The following CACNB2 variants were observed in gnomAD, a reference collection of about 807,000 sequenced individuals.
CACNB2 encodes voltage-dependent L-type calcium channel subunit beta-2.
In CACNB2, 42 loss-of-function variants were observed where a neutral mutation model predicts 73.3. The ratio of observed to expected loss-of-function variants is 0.57; its 90% CI spans 0.45 to 0.74. The LOEUF (loss-of-function observed/expected upper bound fraction) is 0.74. Among genes scored for constraint, CACNB2 ranks in the 30% least tolerant of loss-of-function variants. The pLI, the probability that CACNB2 is intolerant of heterozygous loss-of-function variation, is 0.00. For missense variants in CACNB2, 940 were observed against 853.0 expected (o/e 1.10, Z -1.27); for synonymous variants, 348 against 310.3 (o/e 1.12, Z -1.28).
intron 2 of CACNB2, among the ~76,000 whole-genome samples, chr10:18,283,857 G>A (rs2038670773): frequency 6.6e-6 from 1 of 152,078 alleles, no homozygotes; most frequent in African/African-American, 2.4e-5. Flanking sequence ...ACAACTGTGA[G>A]CAAAGATGGA....
At position 18,272,206 on chromosome 10, in the gene CACNB2, C is replaced by CT. The variant is rs577134899; in HGVS notation, c.213+121237dup. On this transcript the variant is annotated intron_variant, in intron 2 of 13. Coordinates refer to ENST00000324631, the MANE Select transcript of CACNB2 (RefSeq NM_201596.3). ...GCTATTCGAAAGAGTGGATCACAATCTTTTTTCTACAGAGAGGAGTGGGAC... is the reference window on the plus strand; with the variant it reads ...GCTATTCGAAAGAGTGGATCACAATCTTTTTTTCTACAGAGAGGAGTGGGAC... 2.6e-3 allele frequency among the ~76,000 whole-genome samples: 399 copies of CT among 152,094 alleles called. 2 individuals carry two copies. The highest frequency in any genetic ancestry group is 9.2e-3 in the African/African-American group (381 of 41,478).
At chr10:18,464,552 A>T (rs2047771866) in intron 3 of CACNB2, among the ~76,000 whole-genome samples, 1 of 151,680 alleles carries the variant, frequency 6.6e-6, no homozygotes, top group South Asian at 2.1e-4. Context: ...GGAGCACCTG[A>T]TTGCCCACCT....
At chr10:18,384,998 G>A (rs565117931) in intron 2 of CACNB2, among the ~76,000 whole-genome samples, 11 of 152,032 alleles carry the variant, frequency 7.2e-5, no homozygotes, top group South Asian at 2.1e-4. Flanking sequence ...AACAGTTGCC[G>A]GCTGGGTGCG....
intron 2 of CACNB2, among the ~76,000 whole-genome samples, chr10:18,313,659 TA>T (rs1271907653): frequency 6.6e-6 from 1 of 152,168 alleles, no homozygotes; most frequent in East Asian, 1.9e-4. Context: ...AAGCTTTATT[TA>T]AATAAATAAT....
chr10:18,447,274 A>G (rs1024978889), intron 3 of CACNB2, among the ~76,000 whole-genome samples: 1 of 152,216 alleles, frequency 6.6e-6, no homozygotes, highest in Non-Finnish European at 1.5e-5. Flanking sequence ...TTGAGGCACC[A>G]TAGACCGTGT....
intron 2 of CACNB2, among the ~76,000 whole-genome samples, chr10:18,178,473 A>G (rs1020525050): frequency 6.6e-6 from 1 of 152,216 alleles, no homozygotes; most frequent in Non-Finnish European, 1.5e-5. Flanking sequence ...GATTAATCAG[A>G]TAGAGGTCCT....
At chr10:18,498,296 A>G in intron 3 of CACNB2, 59 bp from the exon 4 acceptor site, 1 of 1,604,330 alleles carries the variant, frequency 6.2e-7, no homozygotes. Flanking sequence ...TTTGAGGGAA[A>G]AAGGAGGGAC....
chr10:18,455,037 C>G (rs1193307444), intron 3 of CACNB2, among the ~76,000 whole-genome samples: 1 of 78,956 alleles, frequency 1.3e-5, no homozygotes, highest in Non-Finnish European at 3.2e-5. Flanking sequence ...GACCCAATCT[C>G]TTAAAAAAAA....
intron 6 of CACNB2, among the ~76,000 whole-genome samples, chr10:18,508,579 C>T (rs900768985): frequency 6.6e-6 from 1 of 152,180 alleles, no homozygotes; most frequent in Non-Finnish European, 1.5e-5. Context: ...TCACTTCTTT[C>T]TATATACCAG....
rs568509849 is a variant in CACNB2, at chr10:18,346,636, G to A, written c.214-55288G>A. On this transcript the variant is annotated intron_variant, in intron 2 of 13. Transcript: ENST00000324631. ...GGGGGGCACAGGGTCTCACTCTGTC[G>A]CCCAGGCTGGAGTGCAGCGATATGA... 4.7e-5 allele frequency among the ~76,000 whole-genome samples: 7 copies of A among 150,510 alleles called. No individual in the cohort carries two copies. In the South Asian group the frequency reaches 6.4e-4, roughly 14 times the overall value.
intron 2 of CACNB2, among the ~76,000 whole-genome samples, chr10:18,306,582 G>C (rs1046672110): frequency 6.6e-6 from 1 of 152,168 alleles, no homozygotes; most frequent in East Asian, 1.9e-4. Flanking sequence ...TAAGCATTAC[G>C]GTGGGGTCAG....
chr10:18,521,433 G>T (rs988741079), intron 9 of CACNB2, among the ~76,000 whole-genome samples: 2 of 152,140 alleles, frequency 1.3e-5, no homozygotes, highest in South Asian at 4.1e-4. Context: ...TAAAGGACAT[G>T]GGCAAGGAGT....
intron 3 of CACNB2, among the ~76,000 whole-genome samples, chr10:18,494,281 T>A (rs747073243): frequency 4.6e-5 from 7 of 152,144 alleles, no homozygotes; most frequent in Non-Finnish European, 1.0e-4. Flanking sequence ...AAATGTGTCT[T>A]ACATTGATGA....
intron 2 of CACNB2, among the ~76,000 whole-genome samples, chr10:18,200,258 T>C (rs1033813295): frequency 3.3e-5 from 5 of 150,438 alleles, no homozygotes; most frequent in African/African-American, 1.3e-4. Flanking sequence ...ACATTAATTA[T>C]ACTCAAAAAA....
In CACNB2 at chr10:18,482,062, G is replaced by T. The variant is rs116878285; in HGVS notation, c.334-16293G>T. On this transcript the variant is annotated intron_variant, in intron 3 of 13. Coordinates refer to ENST00000324631, the MANE Select transcript of CACNB2 (RefSeq NM_201596.3). ...CTGCCACCATGCCCTACTAATTTTT[G>T]TGGGTTTTTTTAGTAGAGATGGGGT... Among the ~76,000 whole-genome samples the T allele has an allele frequency of 0.013, 1,954 of 151,824 alleles. 84 individuals are homozygous for T. The South Asian group carries it at 0.13, about 10-fold the overall frequency.
At chr10:18,250,202 C>T (rs1344898896) in intron 2 of CACNB2, among the ~76,000 whole-genome samples, 1 of 152,216 alleles carries the variant, frequency 6.6e-6, no homozygotes, top group Non-Finnish European at 1.5e-5. Context: ...TGGCAGTCTC[C>T]ACACAGCAGG....
At chr10:18,214,768 G>C (rs549375167) in intron 2 of CACNB2, among the ~76,000 whole-genome samples, 4 of 152,118 alleles carry the variant, frequency 2.6e-5, no homozygotes, top group Non-Finnish European at 5.9e-5. Flanking sequence ...GTTTGGGGCC[G>C]TTGATGTAAT....
chr10:18,519,614 T>G, intron 9 of CACNB2: 1 of 432,556 alleles, frequency 2.3e-6, no homozygotes, highest in South Asian at 1.7e-5. Context: ...CATGAGTATT[T>G]CCTGTTCTAA....
chr10:18,318,351 C>T (rs921845003), intron 2 of CACNB2, among the ~76,000 whole-genome samples: 8 of 152,106 alleles, frequency 5.3e-5, no homozygotes, highest in South Asian at 2.1e-4. Flanking sequence ...CTTCAACAAA[C>T]GTGACAAAAA....
Sources: allele counts gnomAD v4.1 joint callset (sites outside exome capture counted in the v4.1 genomes callset), GRCh38; gene constraint gnomAD v4.1.1; transcripts MANE v1.5; gene names NCBI Gene and HGNC (gene_info 2026-07-23, HGNC 2026-07-21).